LIFR: variants seen among roughly 807,000 people sequenced by gnomAD.
LIFR encodes the protein LIF receptor subunit alpha, also known as leukemia inhibitory factor receptor.
Under a neutral mutation model 122.2 loss-of-function variants are expected in LIFR, and 84 were observed. The ratio of observed to expected loss-of-function variants is 0.69; its 90% CI spans 0.58 to 0.82. The LOEUF is 0.82. Among genes scored for constraint, LIFR ranks in the 40% least tolerant of loss-of-function variants. LIFR has a pLI of 0.00. For missense variants in LIFR, 1,294 were observed against 1,311.6 expected, an observed-to-expected ratio of 0.99 and a Z score of 0.21; for synonymous variants, 422 against 434.7, an observed-to-expected ratio of 0.97 and a Z score of 0.36.
intron 7 of LIFR, 149 bp downstream of exon 7, chr5:38,510,315 T>C: frequency 2.8e-6 from 2 of 705,266 alleles, no homozygotes; most frequent in Non-Finnish European, 4.7e-6. Flanking sequence ...AATATTCTAG[T>C]GCCTTTGTAT....
intron 1 of LIFR, among the ~76,000 whole-genome samples, chr5:38,538,544 T>A (rs1747411284): frequency 6.6e-6 from 1 of 152,238 alleles, no homozygotes; most frequent in Non-Finnish European, 1.5e-5. Flanking sequence ...TGCTCTCTTG[T>A]AGCCCCGTCT....
Position 38,523,858 on chromosome 5 carries a change from C to T in LIFR, c.398-276G>A, listed in dbSNP as rs571425321. ...GAGAAAGGGAAACGACTAATATTCT[C>T]TCAAATTTCTGAAAAAGGGGAACAT... On this transcript the variant is annotated intron_variant, in intron 4 of 19. Coordinates refer to ENST00000453190, the MANE Select transcript of LIFR (RefSeq NM_001127671.2). Among the ~76,000 whole-genome samples, 5 of 152,270 alleles carry T rather than the reference C, an allele frequency of 3.3e-5. No homozygotes were observed. In the South Asian group the frequency reaches 1.0e-3, roughly 32 times the overall value.
intron 6 of LIFR, 37 bp downstream of exon 6, chr5:38,511,753 T>C: frequency 6.3e-7 from 1 of 1,591,058 alleles, no homozygotes; most frequent in Non-Finnish European, 8.6e-7. Context: ...ACTAATTTAA[T>C]TCATCTGAAA....
rs896974609 is a variant in LIFR, at chr5:38,537,208, C to A, written c.-19-6542G>T. On this transcript the variant is annotated intron_variant, in intron 1 of 19. Transcript: ENST00000453190. ...TTCAACACACAGTTCCAGTTCCATA[C>A]TGTGGGCACAGCCCTTCGAGACGGC... 5.3e-5 allele frequency among the ~76,000 whole-genome samples: 8 copies of A among 152,274 alleles called. 1 individual carries two copies. The South Asian group carries it at 1.5e-3, about 28-fold the overall frequency.
At position 38,588,695 on chromosome 5, in the gene LIFR, A is replaced by G. The variant is rs1199604211; in HGVS notation, c.-20+6566T>C. On this transcript the variant is annotated intron_variant, in intron 1 of 19. Coordinates refer to the LIFR transcript ENST00000263409. ...CTTTTTCAAAAGGCCTTAAATCCCT[A>G]TGGATTAATCAAGCACATCTCAGAT... is the stretch of plus-strand genomic sequence containing the variant. Among the ~76,000 whole-genome samples, 18 of 152,186 alleles carry G rather than the reference A, an allele frequency of 1.2e-4. No homozygotes were observed. In the East Asian group the frequency reaches 1.9e-3, roughly 16 times the overall value.
chr5:38,482,600 T>C lies in LIFR; in HGVS notation c.2659A>G (p.Ser887Gly). 3 of 1,483,992 alleles carry C rather than the reference T, an allele frequency of 2.0e-6. No individual in the cohort carries two copies. The East Asian group carries it at 6.9e-5, about 34-fold the overall frequency. The allele number at this position is 1,483,992 out of a possible 1,614,324, so 91.9% of individuals were successfully genotyped here. A position where few individuals can be genotyped will look rare whatever the true frequency, so the allele number is the denominator to read the frequency against. The change falls in exon 19 of 20, where the codon AGT (serine) becomes GGT (glycine). Residue 887 changes from serine (S) to glycine (G), a missense_variant. By Grantham distance (56) the Ser-to-Gly change is moderately conservative. Transcript: ENST00000453190. ...AAATAAAAGATTACCTCACAGACAC[T>C]CTTTTGAAACTGTAATGCTTTACAG... Reference protein sequence around the residue: ...ENCKALQFQKSVCEGSSALKT... With the variant: ...ENCKALQFQKGVCEGSSALKT...
At chr5:38,532,561 C>T (rs1239306273) in intron 1 of LIFR, among the ~76,000 whole-genome samples, 1 of 151,966 alleles carries the variant, frequency 6.6e-6, no homozygotes. Context: ...AGGAGGAAGG[C>T]GATGCCCAGG....
At chr5:38,547,133 T>C (rs935039661) in intron 1 of LIFR, among the ~76,000 whole-genome samples, 1 of 152,160 alleles carries the variant, frequency 6.6e-6, no homozygotes, top group Non-Finnish European at 1.5e-5. Context: ...GGCAATGGTA[T>C]GGGGTAGAAC....
At chr5:38,507,001 C>T (rs1261605496) in intron 7 of LIFR, among the ~76,000 whole-genome samples, 1 of 152,078 alleles carries the variant, frequency 6.6e-6, no homozygotes, top group East Asian at 1.9e-4. Flanking sequence ...AAAGTATTAT[C>T]ATCTATCATC....
intron 11 of LIFR, among the ~76,000 whole-genome samples, 185 bp downstream of exon 11, chr5:38,502,451 GT>G (rs1049772205): frequency 7.2e-5 from 11 of 151,982 alleles, no homozygotes; most frequent in Non-Finnish European, 1.6e-4. Context: ...TAGAGATGGG[GT>G]TTCTCCATAT....
intron 2 of LIFR, among the ~76,000 whole-genome samples, chr5:38,603,853 C>T (rs529494205): frequency 6.6e-6 from 1 of 152,164 alleles, no homozygotes; most frequent in Non-Finnish European, 1.5e-5. Context: ...TGGTCAGACT[C>T]AACTTTGAAC....
chr5:38,513,053 A>G (rs1032015942), intron 5 of LIFR, among the ~76,000 whole-genome samples: 12 of 152,232 alleles, frequency 7.9e-5, no homozygotes, highest in African/African-American at 2.9e-4. Context: ...GCTATAAAAG[A>G]TAACTTGGGA....
intron 3 of LIFR, among the ~76,000 whole-genome samples, chr5:38,527,877 C>A (rs1234163777): frequency 6.6e-6 from 1 of 152,152 alleles, no homozygotes; most frequent in African/African-American, 2.4e-5. Context: ...TACTGTTGTT[C>A]ATATATGTTT....
intron 1 of LIFR, among the ~76,000 whole-genome samples, chr5:38,540,777 A>G (rs561163423): frequency 1.3e-3 from 170 of 129,898 alleles, no homozygotes; most frequent in African/African-American, 4.4e-3. Context: ...ATTAATTCCA[A>G]TTAAAAAAAA....
Position 38,505,885 on chromosome 5 carries a change from T to C in LIFR, c.1291+20A>G. 1 of 1,531,902 alleles carries C rather than the reference T, an allele frequency of 6.5e-7. No individual in the cohort carries two copies. The allele number at this position is 1,531,902 out of a possible 1,614,324, so 94.9% of individuals were successfully genotyped here. On this transcript the variant is annotated intron_variant, in intron 9 of 19. Transcript: ENST00000453190. ...CACTTTTAAAGTTATTTTTAAGACA[T>C]TAGTTTATGTACAGCTTACCTTTTT... is the stretch of plus-strand genomic sequence containing the variant.
At chr5:38,598,800 A>G (rs551171522), upstream of LIFR, among the ~76,000 whole-genome samples, 2 of 152,300 alleles carry the variant, frequency 1.3e-5, no homozygotes, top group East Asian at 3.9e-4. Flanking sequence ...CCACTTTGCT[A>G]TAATAATTTA....
chr5:38,531,474 A>G (rs1360048420), intron 1 of LIFR, among the ~76,000 whole-genome samples: 2 of 152,126 alleles, frequency 1.3e-5, no homozygotes, highest in Non-Finnish European at 2.9e-5. Context: ...ATAGGAAACA[A>G]GAAAACTTAA....
rs10461724 is a variant in LIFR, at chr5:38,533,126, A to C, written c.-19-2460T>G. 2.3e-3 allele frequency among the ~76,000 whole-genome samples: 357 copies of C among 152,306 alleles called. 10 individuals carry two copies. The East Asian group carries it at 0.064, about 27-fold the overall frequency. On this transcript the variant is annotated intron_variant, in intron 1 of 19. Coordinates refer to ENST00000453190, the MANE Select transcript of LIFR (RefSeq NM_001127671.2). ...TCTGGCATTTTAAATGAAACACCAA[A>C]GTTTGTAAATGTGAGAAAATAATGC...
chr5:38,603,369 A>G (rs1275068704), intron 2 of LIFR, among the ~76,000 whole-genome samples: 7 of 152,218 alleles, frequency 4.6e-5, no homozygotes, highest in Admixed American at 3.9e-4. Flanking sequence ...TCCACCAGTC[A>G]CACTATGAGT....
Sources: allele counts gnomAD v4.1 joint callset (sites outside exome capture counted in the v4.1 genomes callset), GRCh38; gene constraint gnomAD v4.1.1; transcripts MANE v1.5; gene names NCBI Gene and HGNC (gene_info 2026-07-23, HGNC 2026-07-21).